Variants in CYP2C19 observed in about 807,000 individuals in gnomAD.
CYP2C19 encodes the protein cytochrome P450 family 2 subfamily C member 19.
In CYP2C19, 59 loss-of-function variants were observed where a neutral mutation model predicts 40.9. The ratio of observed to expected loss-of-function variants is 1.44; its 90% CI spans 1.17 to 1.79. CYP2C19 has a LOEUF of 1.79. Among genes scored for constraint, CYP2C19 ranks in the 40% most tolerant of loss-of-function variants. CYP2C19 has a pLI of 0.00. For missense variants in CYP2C19, 754 were observed against 596.9 expected, an observed-to-expected ratio of 1.26 and a Z score of -2.74; for synonymous variants, 253 against 208.7, an observed-to-expected ratio of 1.21 and a Z score of -1.83.
At chr10:94,850,442 C>G (rs565403115) in intron 8 of CYP2C19, among the ~76,000 whole-genome samples, 2 of 152,254 alleles carry the variant, frequency 1.3e-5, no homozygotes, top group South Asian at 2.1e-4. Context: ...TCCCTCACCC[C>G]CTAGGCTGGG....
At chr10:94,845,376 G>A (rs1455314377) in intron 7 of CYP2C19, among the ~76,000 whole-genome samples, 1 of 152,052 alleles carries the variant, frequency 6.6e-6, no homozygotes, top group Non-Finnish European at 1.5e-5. Context: ...TTATTTATTT[G>A]CATTTGTTCA....
chr10:94,795,332 C>T (rs1025818125), intron 5 of CYP2C19, among the ~76,000 whole-genome samples: 2 of 151,980 alleles, frequency 1.3e-5, no homozygotes, highest in South Asian at 2.1e-4. Context: ...AGGACATGAA[C>T]TCATCCTTTT....
At chr10:94,765,721 G>T (rs1848231214) in intron 1 of CYP2C19, among the ~76,000 whole-genome samples, 1 of 152,116 alleles carries the variant, frequency 6.6e-6, no homozygotes, top group South Asian at 2.1e-4. Flanking sequence ...TGGACTGTTT[G>T]TTAAGCAGGG....
chr10:94,810,019 T>G (rs542867449), intron 5 of CYP2C19, among the ~76,000 whole-genome samples: 1 of 152,122 alleles, frequency 6.6e-6, no homozygotes, highest in African/African-American at 2.4e-5. Flanking sequence ...ATAGCTGGAA[T>G]TACAGAGGCT....
chr10:94,764,330 G>A (rs1848212995), intron 1 of CYP2C19, among the ~76,000 whole-genome samples: 1 of 152,166 alleles, frequency 6.6e-6, no homozygotes, highest in Admixed American at 6.5e-5. Context: ...TTTACAGAGT[G>A]CTGATTGGTG....
At position 94,852,745 on chromosome 10, in the gene CYP2C19, G is replaced by A. The variant is rs1255700938; in HGVS notation, c.1304G>A (p.Cys435Tyr). 1.9e-6 allele frequency: 3 copies of A among 1,613,950 alleles called. No individual in the cohort carries two copies. The South Asian group carries it at 3.3e-5, about 18-fold the overall frequency. The change falls in exon 9 of 9, where the codon TGT (cysteine) becomes TAT (tyrosine). Residue 435 changes from cysteine (C) to tyrosine (Y), a missense_variant. Cys to Tyr is a radical substitution (Grantham distance 194, BLOSUM62 -2). Transcript: ENST00000371321. The stretch of plus-strand genomic sequence containing the variant: ...TTGTTATTTTCAGGAAAACGGATTT[G>A]TGTGGGAGAGGGCCTGGCCCGCATG... ...FMPFSAGKRI[C>Y]VGEGLARMEL... is the part of the protein sequence containing the mutation.
intron 1 of CYP2C19, among the ~76,000 whole-genome samples, chr10:94,769,478 C>A (rs149937424): frequency 0.014 from 2,120 of 152,230 alleles, 51 homozygotes; most frequent in African/African-American, 0.047. Context: ...GAACAGTGAA[C>A]TATTCTGCTT....
At position 94,854,890 on chromosome 10, in the gene CYP2C19, G is replaced by C. The variant is rs1171850161; in HGVS notation, c.*1976G>C. 6.6e-6 allele frequency among the ~76,000 whole-genome samples: 1 copy of C among 152,186 alleles called. No homozygotes were observed. The highest frequency in any genetic ancestry group is 1.5e-5 in the Non-Finnish European group (1 of 68,040). On this transcript the variant is annotated 3_prime_UTR_variant, in exon 9 of 9. Transcript: ENST00000371321. Reference sequence around the variant, plus strand: ...GGTATTACATTAATGGAAAGATACAGATGGAAATTACACATTATACATTTT... The same window carrying C: ...GGTATTACATTAATGGAAAGATACACATGGAAATTACACATTATACATTTT...
chr10:94,843,440 A>G (rs1170435081), intron 7 of CYP2C19, among the ~76,000 whole-genome samples: 1 of 152,072 alleles, frequency 6.6e-6, no homozygotes, highest in Non-Finnish European at 1.5e-5. Context: ...ATTTATTTGC[A>G]CTTTCTTTAT....
chr10:94,797,964 T>A (rs1564668348), intron 5 of CYP2C19, among the ~76,000 whole-genome samples: 1 of 152,136 alleles, frequency 6.6e-6, no homozygotes, highest in Non-Finnish European at 1.5e-5. Context: ...TTGATTTTTT[T>A]AAAGGGTTTT....
chr10:94,854,435 C>A lies in CYP2C19; in HGVS notation c.*1521C>A, dbSNP rs1053810310. On this transcript the variant is annotated 3_prime_UTR_variant, in exon 9 of 9. Coordinates refer to ENST00000371321, the MANE Select transcript of CYP2C19 (RefSeq NM_000769.4). ...TATGCTATTGTCCTAATATAATTAG[C>A]CTCATGTCATCTCCAAAGCATAGAC... Among the ~76,000 whole-genome samples the A allele has an allele frequency of 1.3e-5, 2 of 151,892 alleles. No homozygotes were observed. Among genetic ancestry groups the A allele is most frequent in the Admixed American group, 6.6e-5 (1 of 15,244 alleles).
At chr10:94,784,252 ATATTT>A (rs1848513745) in intron 5 of CYP2C19, among the ~76,000 whole-genome samples, 1 of 151,994 alleles carries the variant, frequency 6.6e-6, no homozygotes, top group African/African-American at 2.4e-5. Context: ...TGGATAAAGT[ATATTT>A]TATTTTCTAT....
chr10:94,825,253 A>C (rs1392480104), intron 6 of CYP2C19, among the ~76,000 whole-genome samples: 25 of 137,244 alleles, frequency 1.8e-4, no homozygotes, highest in African/African-American at 6.5e-4. Flanking sequence ...CAATGGTTGA[A>C]CTAGTTTACA....
At chr10:94,780,208 T>C (rs1053061231) in intron 3 of CYP2C19, among the ~76,000 whole-genome samples, 3 of 151,772 alleles carry the variant, frequency 2.0e-5, no homozygotes, top group Non-Finnish European at 4.4e-5. Context: ...AATTATTTGG[T>C]TTCTAAAAAA....
At chr10:94,782,104 GAGA>G in intron 5 of CYP2C19, 107 bp downstream of exon 5, 1 of 873,110 alleles carries the variant, frequency 1.1e-6, no homozygotes, top group Non-Finnish European at 1.7e-6. Context: ...AGTAATGCTT[GAGA>G]AGCATATTTA....
chr10:94,787,442 GGTTGTCT>G (rs1308187266), intron 5 of CYP2C19, among the ~76,000 whole-genome samples: 3 of 152,036 alleles, frequency 2.0e-5, no homozygotes, highest in Non-Finnish European at 2.9e-5. Context: ...CCATTCTGTA[GGTTGTCT>G]GTTTATTGTG....
At chr10:94,820,392 C>T in intron 5 of CYP2C19, 104 bp from the exon 6 acceptor site, 2 of 1,329,860 alleles carry the variant, frequency 1.5e-6, no homozygotes, top group Non-Finnish European at 1.1e-6. Context: ...CTATACTTTA[C>T]AGTTTCTATG....
intron 6 of CYP2C19, among the ~76,000 whole-genome samples, chr10:94,840,361 C>T (rs1215671246): frequency 6.6e-6 from 1 of 151,506 alleles, no homozygotes; most frequent in Non-Finnish European, 1.5e-5. Context: ...GGGAATGGGT[C>T]CCACGTAACT....
At chr10:94,838,082 G>A (rs1327748303) in intron 6 of CYP2C19, among the ~76,000 whole-genome samples, 1 of 152,088 alleles carries the variant, frequency 6.6e-6, no homozygotes, top group East Asian at 1.9e-4. Flanking sequence ...CTCCAGAAAG[G>A]CAGTAGGATT....
Sources: gnomAD v4.1 joint callset for allele counts (sites outside exome capture counted in the v4.1 genomes callset) on GRCh38, gnomAD v4.1.1 for gene constraint, MANE v1.5 for transcripts, NCBI Gene and HGNC (gene_info 2026-07-23, HGNC 2026-07-21) for gene names.